The following SMYD3 variants were observed in gnomAD, a reference collection of about 807,000 sequenced individuals.
The protein encoded by SMYD3 is histone-lysine N-methyltransferase SMYD3.
SMYD3 carries 36 observed loss-of-function variants against 57.7 expected under a neutral mutation model. That is an observed-to-expected ratio of 0.62 (90% CI 0.48 to 0.82). The LOEUF (loss-of-function observed/expected upper bound fraction) is 0.82. Ranked by LOEUF, SMYD3 falls within the 40% of genes least tolerant of loss-of-function variation. SMYD3 has a pLI of 0.00. For synonymous variants in SMYD3, 211 were observed against 195.0 expected, an observed-to-expected ratio of 1.08 and a Z score of -0.68; for missense variants, 515 against 538.8, an observed-to-expected ratio of 0.96 and a Z score of 0.44.
At chr1:245,838,929 C>T (rs1262180521) in intron 10 of SMYD3, among the ~76,000 whole-genome samples, 1 of 152,220 alleles carries the variant, frequency 6.6e-6, no homozygotes, top group Non-Finnish European at 1.5e-5. Flanking sequence ...GGGAGGACAT[C>T]TATTCAGAAT....
intron 11 of SMYD3, among the ~76,000 whole-genome samples, chr1:245,751,900 GC>G (rs1164546234): frequency 5.9e-5 from 9 of 152,228 alleles, no homozygotes; most frequent in African/African-American, 2.2e-4. Flanking sequence ...GTTGGGACCA[GC>G]CCCCACCTTG....
intron 5 of SMYD3, among the ~76,000 whole-genome samples, chr1:246,265,705 CAT>C (rs35958785): frequency 0.14 from 21,555 of 152,170 alleles, 1,924 homozygotes; most frequent in East Asian, 0.33. Flanking sequence ...GTGACCATCA[CAT>C]GTCTTAATAA....
chr1:246,162,262 T>C (rs1168466883), intron 5 of SMYD3, among the ~76,000 whole-genome samples: 1 of 152,082 alleles, frequency 6.6e-6, no homozygotes, highest in African/African-American at 2.4e-5. Context: ...TAAAAGAACA[T>C]TCTAGAACTA....
intron 5 of SMYD3, among the ~76,000 whole-genome samples, chr1:246,302,704 C>T (rs1176504730): frequency 1.3e-5 from 2 of 152,192 alleles, no homozygotes; most frequent in Middle Eastern, 3.4e-3. Context: ...AAAATTACTG[C>T]GATGTGGAAA....
intron 8 of SMYD3, among the ~76,000 whole-genome samples, chr1:245,867,246 G>C (rs1287116585): frequency 6.6e-6 from 1 of 152,220 alleles, no homozygotes; most frequent in Admixed American, 6.5e-5. Context: ...CAAAGGCAAG[G>C]AACCAGTCCC....
intron 5 of SMYD3, among the ~76,000 whole-genome samples, chr1:246,026,787 A>C (rs146610022): frequency 6.6e-6 from 1 of 152,294 alleles, no homozygotes; most frequent in East Asian, 1.9e-4. Context: ...TAACCTTACA[A>C]TGGCCTCTAA....
chr1:246,427,412 C>G (rs372009237), intron 1 of SMYD3, among the ~76,000 whole-genome samples: 1 of 149,446 alleles, frequency 6.7e-6, no homozygotes, highest in Non-Finnish European at 1.5e-5. Flanking sequence ...CCCAGCTACT[C>G]GGGAGGCTGA....
intron 5 of SMYD3, among the ~76,000 whole-genome samples, chr1:246,302,522 G>A (rs966717382): frequency 1.3e-5 from 2 of 152,090 alleles, no homozygotes; most frequent in Non-Finnish European, 2.9e-5. Context: ...TAAACAATAA[G>A]TGAAGTAAGA....
In SMYD3 at chr1:246,246,394, G is replaced by A. The variant is rs561415758; in HGVS notation, c.531+80807C>T. Among the ~76,000 whole-genome samples, 3 of 152,222 alleles carry A rather than the reference G, an allele frequency of 2.0e-5. 1 individual carries two copies. In the East Asian group the frequency reaches 5.8e-4, roughly 29 times the overall value. On this transcript the variant is annotated intron_variant, in intron 5 of 11. Coordinates refer to ENST00000490107, the MANE Select transcript of SMYD3 (RefSeq NM_001167740.2). ...ATTGTAAAAATATATTTTTCTACTG[G>A]AAAGTAAGTCTATTTGAGTAGCTAG...
chr1:245,859,400 A>G (rs2051418739), intron 9 of SMYD3, among the ~76,000 whole-genome samples: 1 of 152,236 alleles, frequency 6.6e-6, no homozygotes, highest in Non-Finnish European at 1.5e-5. Flanking sequence ...AGAAGACTCA[A>G]TGTCCACTTC....
intron 5 of SMYD3, among the ~76,000 whole-genome samples, chr1:246,011,550 G>A (rs752128664): frequency 2.9e-4 from 44 of 152,140 alleles, no homozygotes; most frequent in Admixed American, 8.5e-4. Context: ...GACCACTGTC[G>A]ATGCTGTGAG....
intron 5 of SMYD3, among the ~76,000 whole-genome samples, chr1:246,008,412 C>T (rs2059215257): frequency 6.6e-6 from 1 of 152,182 alleles, no homozygotes; most frequent in Admixed American, 6.5e-5. Context: ...CTCCTCTCAG[C>T]CGAGGACTGG....
intron 5 of SMYD3, among the ~76,000 whole-genome samples, chr1:246,164,934 C>T (rs1418668144): frequency 6.6e-6 from 1 of 152,192 alleles, no homozygotes; most frequent in Non-Finnish European, 1.5e-5. Flanking sequence ...GAGTCAGCCA[C>T]ACAGAGACGG....
intron 8 of SMYD3, among the ~76,000 whole-genome samples, chr1:245,899,898 C>T (rs1389421967): frequency 1.3e-5 from 2 of 152,164 alleles, no homozygotes; most frequent in Admixed American, 6.5e-5. Flanking sequence ...CTTCTTGGAA[C>T]TTGGGCCTGC....
At chr1:246,077,906 CAAAT>C (rs1371292964) in intron 5 of SMYD3, among the ~76,000 whole-genome samples, 1 of 151,976 alleles carries the variant, frequency 6.6e-6, no homozygotes, top group Non-Finnish European at 1.5e-5. Context: ...AATCGTTTGT[CAAAT>C]AAAAACAAAA....
intron 5 of SMYD3, among the ~76,000 whole-genome samples, chr1:246,213,122 A>C (rs1007200005): frequency 1.3e-5 from 2 of 152,172 alleles, no homozygotes; most frequent in African/African-American, 2.4e-5. Context: ...GAATTCTGTC[A>C]AGGGAAATTA....
intron 5 of SMYD3, among the ~76,000 whole-genome samples, chr1:246,090,522 C>CT (rs539563212): frequency 0.16 from 22,790 of 142,566 alleles, 2,173 homozygotes; most frequent in South Asian, 0.34. Context: ...TTCTCTCTCT[C>CT]TTTTTTTTTT....
intron 8 of SMYD3, among the ~76,000 whole-genome samples, chr1:245,875,105 C>A (rs1053895305): frequency 1.3e-5 from 2 of 152,226 alleles, no homozygotes; most frequent in Admixed American, 6.5e-5. Flanking sequence ...CACATGTCTG[C>A]ATTTTTGATT....
chr1:246,395,592 AGACAGGGAAGAGGAACCCACCATGGCTG>A (rs1349034896), intron 1 of SMYD3, among the ~76,000 whole-genome samples: 6 of 130,198 alleles, frequency 4.6e-5, no homozygotes, highest in Non-Finnish European at 8.5e-5. Context: ...CCCCACGGTC[AGACAGGGAAGAGGAACCCACCATGGCTG>A]GACAGGGAAG....
Sources: allele counts gnomAD v4.1 joint callset (sites outside exome capture counted in the v4.1 genomes callset), GRCh38; gene constraint gnomAD v4.1.1; transcripts MANE v1.5; gene names NCBI Gene and HGNC (gene_info 2026-07-23, HGNC 2026-07-21).